Variants in DOCK1 observed in about 807,000 individuals in gnomAD.
DOCK1 encodes dedicator of cytokinesis 1, also known as dedicator of cytokinesis protein 1.
In DOCK1, 138 loss-of-function variants were observed where a neutral mutation model predicts 262.7. The ratio of observed to expected loss-of-function variants is 0.53; its 90% CI spans 0.46 to 0.61. The LOEUF is 0.61. DOCK1 is among the 20% of genes least tolerant of loss of function. The pLI is 0.00. For synonymous variants in DOCK1, 866 were observed against 867.4 expected (o/e 1.00, Z 0.03); for missense variants, 1,908 against 2,370.7 (o/e 0.80, Z 4.05).
intron 25 of DOCK1, among the ~76,000 whole-genome samples, chr10:127,115,635 G>A (rs927198817): frequency 6.6e-6 from 1 of 152,226 alleles, no homozygotes; most frequent in Non-Finnish European, 1.5e-5. Flanking sequence ...CTAGAACACT[G>A]ACGTTTAGGA....
At chr10:127,381,994 G>A (rs2065855461) in intron 37 of DOCK1, among the ~76,000 whole-genome samples, 1 of 151,152 alleles carries the variant, frequency 6.6e-6, no homozygotes, top group Non-Finnish European at 1.5e-5. Context: ...TGGATGGATG[G>A]ATGGACAAAT....
At chr10:127,169,850 G>A (rs575530699) in intron 27 of DOCK1, among the ~76,000 whole-genome samples, 1 of 152,160 alleles carries the variant, frequency 6.6e-6, no homozygotes, top group South Asian at 2.1e-4. Context: ...CATTGTTTTT[G>A]GTAAAGTTGA....
intron 38 of DOCK1, among the ~76,000 whole-genome samples, chr10:127,389,569 G>A (rs752940418): frequency 6.6e-6 from 1 of 152,160 alleles, no homozygotes; most frequent in African/African-American, 2.4e-5. Flanking sequence ...ATATGGTTTC[G>A]ATCTGGGTCC....
chr10:127,213,220 T>A (rs2058059267), intron 27 of DOCK1, among the ~76,000 whole-genome samples: 1 of 152,246 alleles, frequency 6.6e-6, no homozygotes, highest in Admixed American at 6.5e-5. Flanking sequence ...CTTTGATTTT[T>A]AAGACAGTAC....
intron 15 of DOCK1, chr10:127,025,027 AGAT>A: frequency 5.3e-6 from 2 of 379,708 alleles, no homozygotes; most frequent in Admixed American, 4.0e-5. Flanking sequence ...AGTCTTTTTA[AGAT>A]AGCTATTGTC....
chr10:127,206,136 C>CTTTTTTTTTTTTTTTT (rs34450374), intron 27 of DOCK1, among the ~76,000 whole-genome samples: 6 of 78,658 alleles, frequency 7.6e-5, no homozygotes, highest in East Asian at 4.5e-4. Flanking sequence ...TTCTTCTTCT[C>CTTTTTTTTTTTTTTTT]TTTTTTTTTT....
chr10:127,362,995 ACACACACACGCACATCCC>A (rs2064658221), intron 33 of DOCK1, among the ~76,000 whole-genome samples: 2 of 122,078 alleles, frequency 1.6e-5, no homozygotes, highest in East Asian at 2.3e-4. Context: ...ATCCCCCCCC[ACACACACACGCACATCCC>A]CACACACACA....
chr10:127,247,178 G>C (rs537649347), intron 27 of DOCK1, among the ~76,000 whole-genome samples: 1 of 152,288 alleles, frequency 6.6e-6, no homozygotes, highest in South Asian at 2.1e-4. Flanking sequence ...GCCTCCATTT[G>C]CAACAGCCGG....
At chr10:127,334,291 G>C in intron 29 of DOCK1, among the ~76,000 whole-genome samples, 1 of 152,146 alleles carries the variant, frequency 6.6e-6, no homozygotes, top group Non-Finnish European at 1.5e-5. Flanking sequence ...GTACAAATGT[G>C]TGTATGTGTA....
At chr10:127,413,234 TTG>T in intron 43 of DOCK1, among the ~76,000 whole-genome samples, 1 of 152,212 alleles carries the variant, frequency 6.6e-6, no homozygotes, top group South Asian at 2.1e-4. Context: ...GCGCGGCCAG[TTG>T]GGTGCAGAGC....
intron 27 of DOCK1, among the ~76,000 whole-genome samples, chr10:127,165,658 A>G (rs930130729): frequency 2.6e-5 from 4 of 152,170 alleles, no homozygotes; most frequent in African/African-American, 4.8e-5. Flanking sequence ...TGAGGAAGGA[A>G]GAGCCAGACA....
At chr10:127,122,260 G>A (rs150325157) in intron 25 of DOCK1, among the ~76,000 whole-genome samples, 3 of 152,250 alleles carry the variant, frequency 2.0e-5, no homozygotes, top group East Asian at 1.9e-4. Flanking sequence ...GGTGACGGAC[G>A]GTACTGTAAG....
chr10:126,938,294 C>T (rs911176706), intron 1 of DOCK1, among the ~76,000 whole-genome samples: 2 of 152,146 alleles, frequency 1.3e-5, no homozygotes, highest in African/African-American at 4.8e-5. Context: ...GTGATCCGCC[C>T]GCCTCAGCAT....
intron 27 of DOCK1, among the ~76,000 whole-genome samples, chr10:127,178,464 C>T (rs2055391927): frequency 6.6e-6 from 1 of 152,158 alleles, no homozygotes; most frequent in African/African-American, 2.4e-5. Flanking sequence ...ACCGCTCCCT[C>T]CCAGTGTGAC....
chr10:127,186,931 A>G (rs2056327230), intron 27 of DOCK1, among the ~76,000 whole-genome samples: 1 of 152,190 alleles, frequency 6.6e-6, no homozygotes, highest in African/African-American at 2.4e-5. Context: ...GCTGTGGGAC[A>G]TCTGTGGGCT....
intron 27 of DOCK1, among the ~76,000 whole-genome samples, chr10:127,184,731 T>A (rs2056067694): frequency 1.3e-5 from 2 of 152,200 alleles, no homozygotes; most frequent in African/African-American, 4.8e-5. Context: ...ATGGTCAGTC[T>A]CTACTTTGTG....
chr10:127,328,612 G>C (rs910022453), intron 29 of DOCK1, among the ~76,000 whole-genome samples: 2 of 152,140 alleles, frequency 1.3e-5, no homozygotes, highest in Non-Finnish European at 2.9e-5. Context: ...GGGACGGCAG[G>C]GATGCGAGGG....
intron 10 of DOCK1, chr10:127,000,743 G>A (rs575119570): frequency 6.2e-6 from 1 of 161,270 alleles, no homozygotes; most frequent in Admixed American, 6.4e-5. Flanking sequence ...CGCCATGTTG[G>A]TGCTGTTTCT....
chr10:127,081,833 G>A (rs899791610), intron 23 of DOCK1, among the ~76,000 whole-genome samples: 2 of 152,164 alleles, frequency 1.3e-5, no homozygotes, highest in African/African-American at 4.8e-5. Context: ...ACCATTTGAA[G>A]TATCTGATTT....
Sources: allele counts gnomAD v4.1 joint callset (sites outside exome capture counted in the v4.1 genomes callset), GRCh38; gene constraint gnomAD v4.1.1; transcripts MANE v1.5; gene names NCBI Gene and HGNC (gene_info 2026-07-23, HGNC 2026-07-21).